SH3BP4: variants seen among roughly 807,000 people sequenced by gnomAD.
SH3BP4 encodes the protein SH3 domain binding protein 4.
A neutral mutation model predicts 65.5 loss-of-function variants in SH3BP4; 33 were observed. The observed-to-expected ratio is 0.50, with a 90% CI of 0.38 to 0.67. The LOEUF (loss-of-function observed/expected upper bound fraction) is 0.67, where lower values mean the gene tolerates loss of function less well. Among genes scored for constraint, SH3BP4 ranks in the 30% least tolerant of loss-of-function variants. SH3BP4 has a pLI of 0.00. For missense variants in SH3BP4, 1,134 were observed against 1,261.4 expected (o/e 0.90, Z 1.53); for synonymous variants, 552 against 545.5 (o/e 1.01, Z -0.17).
At chr2:235,012,968 G>A (rs1033421777) in intron 2 of SH3BP4, among the ~76,000 whole-genome samples, 3 of 152,220 alleles carry the variant, frequency 2.0e-5, no homozygotes, top group Non-Finnish European at 2.9e-5. Flanking sequence ...GAGGCCGGAC[G>A]CCGAATGTGC....
At chr2:235,053,371 G>A (rs934801515) in intron 5 of SH3BP4, among the ~76,000 whole-genome samples, 3 of 152,106 alleles carry the variant, frequency 2.0e-5, no homozygotes, top group Non-Finnish European at 4.4e-5. Context: ...CATTTGTTGC[G>A]CACCTACTCT....
rs192755704 is a variant in SH3BP4 at position 234,998,716 on chromosome 2, G to A, written c.-133+3340G>A. Reference sequence around the variant, plus strand: ...CTGTACTCACTACATGACCACACCCGTTGCCCCTGCCCCCGCCTCTGGCTA... The same window carrying A: ...CTGTACTCACTACATGACCACACCCATTGCCCCTGCCCCCGCCTCTGGCTA... On this transcript the variant is annotated intron_variant, in intron 2 of 5. Coordinates refer to ENST00000392011, the MANE Select transcript of SH3BP4 (RefSeq NM_014521.3). Among the ~76,000 whole-genome samples, 47 of 152,290 alleles carry A rather than the reference G, an allele frequency of 3.1e-4. No homozygotes were observed. In the East Asian group the frequency reaches 8.3e-3, roughly 27 times the overall value.
chr2:235,035,075 G>A lies in SH3BP4; in HGVS notation c.73G>A (p.Asp25Asn), dbSNP rs894671787. Residue 25 changes from aspartate (D) to asparagine (N), a missense_variant, in exon 3 of 6, where the codon GAC becomes AAC. By Grantham distance (23) the Asp-to-Asn change is conservative. Transcript: ENST00000392011. This position sits in a 1 kb window ranked among gnomAD's most constrained non-coding sequence, Gnocchi z 5.0. The part of the protein sequence containing the change: ...PRCKSEGTLI[D>N]LSEGFSETSF... ...CTGCAAGTCAGAGGGGACCCTGATT[G>A]ACCTGAGCGAAGGGTTTTCAGAGAC... is the stretch of plus-strand genomic sequence containing the variant. The A allele has an allele frequency of 1.2e-6, 2 of 1,614,128 alleles. No homozygotes were observed. Among genetic ancestry groups the A allele is most frequent in the Admixed American group, 1.7e-5 (1 of 60,026 alleles).
rs1231502110 is a variant in SH3BP4, at chr2:234,997,874, G to A, written c.-133+2498G>A. 6.6e-6 allele frequency among the ~76,000 whole-genome samples: 1 copy of A among 152,198 alleles called. No homozygotes were observed. The highest frequency in any genetic ancestry group is 1.9e-4 in the East Asian group (1 of 5,178). ...GCGGTGGCTCATGCCTGTAATCCCA[G>A]CACTTTGGGAGGCCGAGGTGGGCGG... On this transcript the variant is annotated intron_variant, in intron 2 of 5. Coordinates refer to ENST00000392011, the MANE Select transcript of SH3BP4 (RefSeq NM_014521.3). The surrounding 1 kb of genome is among the most constrained non-coding windows in gnomAD (Gnocchi z 4.2).
At position 234,967,024 on chromosome 2, in the gene SH3BP4, G is replaced by T. The variant is rs1692853493; in HGVS notation, c.-207+14854G>T. Reference sequence around the variant, plus strand: ...ATAGTAATAATAGTAATAGAATAGGGCTGCATGCCATCCTGTGTTTTCAGC... The same window carrying T: ...ATAGTAATAATAGTAATAGAATAGGTCTGCATGCCATCCTGTGTTTTCAGC... On this transcript the variant is annotated intron_variant, in intron 1 of 5. Coordinates refer to ENST00000392011, the MANE Select transcript of SH3BP4 (RefSeq NM_014521.3). The surrounding 1 kb of genome is among the most constrained non-coding windows in gnomAD (Gnocchi z 4.6). 6.6e-6 allele frequency among the ~76,000 whole-genome samples: 1 copy of T among 152,154 alleles called. No homozygotes were observed. The highest frequency in any genetic ancestry group is 2.1e-4 in the South Asian group (1 of 4,824).
At position 235,046,535 on chromosome 2, in the gene SH3BP4, G is replaced by T. The variant is rs1695864694; in HGVS notation, c.2478+3288G>T. 6.6e-6 allele frequency among the ~76,000 whole-genome samples: 1 copy of T among 152,054 alleles called. No homozygotes were observed. The highest frequency in any genetic ancestry group is 2.1e-4 in the South Asian group (1 of 4,812). On this transcript the variant is annotated intron_variant, in intron 4 of 5. Coordinates refer to ENST00000392011, the MANE Select transcript of SH3BP4 (RefSeq NM_014521.3). The surrounding 1 kb of genome is among the most constrained non-coding windows in gnomAD (Gnocchi z 4.2). ...TACACTGAGCTATGATCGCAGCACTGCACTCCAGCCTGGACAACAGAGTGA... is the reference window on the plus strand; with the variant it reads ...TACACTGAGCTATGATCGCAGCACTTCACTCCAGCCTGGACAACAGAGTGA...
chr2:235,003,779 TG>T (rs1574810816), intron 2 of SH3BP4, among the ~76,000 whole-genome samples: 3 of 152,336 alleles, frequency 2.0e-5, no homozygotes, highest in Admixed American at 2.0e-4. Flanking sequence ...GGCTGGAGGC[TG>T]GGGGGCTTGC....
rs59296498 is a variant in SH3BP4 at position 234,961,874 on chromosome 2, TGGTGGGGGTGGG to T, written c.-207+9715_-207+9726del. 1.1e-4 allele frequency among the ~76,000 whole-genome samples: 12 copies of T among 110,076 alleles called. No individual in the cohort carries two copies. The Admixed American group carries it at 1.2e-3, about 11-fold the overall frequency. The allele number at this position is 110,076 out of a possible 152,430, so 72.2% of individuals were successfully genotyped here. A position where few individuals can be genotyped will look rare whatever the true frequency, so the allele number is the denominator to read the frequency against. On this transcript the variant is annotated intron_variant, in intron 1 of 5. Transcript: ENST00000392011. ...CCTGAAGTTCCTGGAGGAGGTGGGG[TGGTGGGGGTGGG>T]GGTGGGGGTGAGGAGGGGGATGTGT...
At position 234,953,000 on chromosome 2, in the gene SH3BP4, G is replaced by A. The variant is rs1692509376; in HGVS notation, c.-207+830G>A. 6.6e-6 allele frequency: 1 copy of A among 152,294 alleles called. No homozygotes were observed. The highest frequency in any genetic ancestry group is 6.5e-5 in the Admixed American group (1 of 15,294). 9.4% of individuals were successfully genotyped at this position (152,294 alleles called of 1,614,324 possible). A position where few individuals can be genotyped will look rare whatever the true frequency, so the allele number is the denominator to read the frequency against. Reference sequence around the variant, plus strand: ...CCTGACCGGGTGTCGGGCGCCCAGAGATGCCGCGCGGGAGGAGCCGCGGGA... The same window carrying A: ...CCTGACCGGGTGTCGGGCGCCCAGAAATGCCGCGCGGGAGGAGCCGCGGGA... On this transcript the variant is annotated intron_variant, in intron 1 of 5. Transcript: ENST00000392011. The surrounding 1 kb of genome is among the most constrained non-coding windows in gnomAD (Gnocchi z 6.5).
chr2:235,044,368 C>T (rs1489508392), intron 4 of SH3BP4, among the ~76,000 whole-genome samples: 7 of 152,226 alleles, frequency 4.6e-5, no homozygotes, highest in African/African-American at 9.6e-5. Flanking sequence ...GCAGCCCCAC[C>T]GTCAGCAGAG....
At chr2:234,988,725 A>T (rs916777278) in intron 1 of SH3BP4, among the ~76,000 whole-genome samples, 5 of 151,896 alleles carry the variant, frequency 3.3e-5, no homozygotes, top group Non-Finnish European at 5.9e-5. Flanking sequence ...TGTAGGGGGG[A>T]CGCATGAACA....
intron 1 of SH3BP4, among the ~76,000 whole-genome samples, chr2:234,955,175 G>A (rs1692557918): frequency 6.6e-6 from 1 of 152,126 alleles, no homozygotes; most frequent in African/African-American, 2.4e-5. Context: ...CCAGGAATCC[G>A]AAAAGGTCAC....
At chr2:234,994,409 A>G (rs1057416469) in intron 1 of SH3BP4, 2 of 151,648 alleles carry the variant, frequency 1.3e-5, no homozygotes, top group African/African-American at 4.9e-5. Context: ...GGAAGTTCCC[A>G]CTCCTTCTTT....
At chr2:234,961,236 G>A (rs1397320512) in intron 1 of SH3BP4, among the ~76,000 whole-genome samples, 4 of 152,156 alleles carry the variant, frequency 2.6e-5, no homozygotes, top group African/African-American at 9.7e-5. Context: ...TGCTAGCTGT[G>A]GATTTGGCTC....
At chr2:234,988,207 C>T (rs1693631032) in intron 1 of SH3BP4, among the ~76,000 whole-genome samples, 1 of 152,034 alleles carries the variant, frequency 6.6e-6, no homozygotes, top group Non-Finnish European at 1.5e-5. Context: ...CTATGGGCGC[C>T]CACCACCACG....
Position 235,041,537 on chromosome 2 carries a change from G to C in SH3BP4, c.768G>C (p.Lys256Asn). ...SLSELSVLQAKSDAPTSSSFF... is the reference protein window; with the variant it reads ...SLSELSVLQANSDAPTSSSFF... ...CGGAACTCTCCGTCCTCCAAGCCAA[G>C]TCCGATGCTCCCACATCGTCGAGTT... The change falls in exon 4 of 6, where the codon AAG becomes AAC. Residue 256 changes from lysine (K) to asparagine (N), a missense_variant. Lys to Asn is a moderately conservative substitution (Grantham distance 94). Coordinates refer to ENST00000392011, the MANE Select transcript of SH3BP4 (RefSeq NM_014521.3). The surrounding 1 kb of genome is among the most constrained non-coding windows in gnomAD (Gnocchi z 6.0). The C allele has an allele frequency of 6.2e-7, 1 of 1,614,138 alleles. No homozygotes were observed. Among genetic ancestry groups the C allele is most frequent in the Non-Finnish European group, 8.5e-7 (1 of 1,180,038 alleles).
chr2:235,034,973 A>C lies in SH3BP4; in HGVS notation c.-30A>C. The C allele has an allele frequency of 6.4e-7, 1 of 1,569,480 alleles. No homozygotes were observed. The highest frequency in any genetic ancestry group is 8.8e-7 in the Non-Finnish European group (1 of 1,139,966). ...ACTGGAGGAAGAAATATGAAGCCTT[A>C]GCGGCTTTACCCGGGAAGCGAGTTT... On this transcript the variant is annotated 5_prime_UTR_variant, in exon 3 of 6. It removes the in-frame stop codon of an upstream open reading frame in the 5' UTR. Transcript: ENST00000392011. This position sits in a 1 kb window ranked among gnomAD's most constrained non-coding sequence, Gnocchi z 6.2.
intron 1 of SH3BP4, among the ~76,000 whole-genome samples, chr2:234,958,470 C>G (rs1406075014): frequency 1.3e-5 from 2 of 151,890 alleles, no homozygotes; most frequent in Non-Finnish European, 2.9e-5. Flanking sequence ...CAGAGGAGGG[C>G]TGTTTGAGAG....
rs1693180711 is a variant in SH3BP4, at chr2:234,976,816, CA to C, written c.-206-18483del. ...GGCCTCCTCTACTGTCAAGGTCACC[CA>C]AAACACACAATGTCTGGGGAGATGC... On this transcript the variant is annotated intron_variant, in intron 1 of 5. Coordinates refer to ENST00000392011, the MANE Select transcript of SH3BP4 (RefSeq NM_014521.3). The surrounding 1 kb of genome is among the most constrained non-coding windows in gnomAD (Gnocchi z 4.7). Among the ~76,000 whole-genome samples, 1 of 152,154 alleles carries C rather than the reference CA, an allele frequency of 6.6e-6. No homozygotes were observed. Among genetic ancestry groups the C allele is most frequent in the South Asian group, 2.1e-4 (1 of 4,832 alleles).
Sources: gnomAD v4.1 joint callset for allele counts (sites outside exome capture counted in the v4.1 genomes callset) on GRCh38, gnomAD v4.1.1 for gene constraint, Gnocchi (gnomAD v3.1) non-coding constraint, MANE v1.5 for transcripts, NCBI Gene and HGNC (gene_info 2026-07-23, HGNC 2026-07-21) for gene names.